EHMT1: variants seen among roughly 807,000 people sequenced by gnomAD.
The protein encoded by EHMT1 is euchromatic histone lysine methyltransferase 1.
EHMT1 carries 15 observed loss-of-function variants against 147.2 expected under a neutral mutation model. The ratio of observed to expected loss-of-function variants is 0.10; its 90% CI spans 0.07 to 0.16. The LOEUF is 0.16. EHMT1 is among the 10% of genes least tolerant of loss of function. The pLI, the probability that EHMT1 is intolerant of heterozygous loss-of-function variation, is 1.00. For missense variants in EHMT1, 1,587 were observed against 1,772.4 expected (o/e 0.90, Z 1.88); for synonymous variants, 795 against 709.6 (o/e 1.12, Z -1.91).
intron 1 of EHMT1, among the ~76,000 whole-genome samples, chr9:137,679,391 G>A (rs1941718647): frequency 6.6e-6 from 1 of 152,184 alleles, no homozygotes; most frequent in Non-Finnish European, 1.5e-5. Flanking sequence ...CTTGCACCTG[G>A]GATACATCTC....
chr9:137,631,249 G>A (rs1046961703), intron 1 of EHMT1, among the ~76,000 whole-genome samples: 6 of 151,918 alleles, frequency 3.9e-5, no homozygotes, highest in Non-Finnish European at 7.4e-5. Context: ...AAAATTAGCC[G>A]GGCGTGATGG....
In EHMT1 at chr9:137,813,491, G is replaced by A. The variant is rs146191149; in HGVS notation, c.3141G>A (p.Thr1047=). 31 of 1,613,986 alleles carry A rather than the reference G, an allele frequency of 1.9e-5. No homozygotes were observed. Among genetic ancestry groups the A allele is most frequent in the African/African-American group, 1.6e-4 (12 of 75,032 alleles). Residue 1047 remains threonine, a synonymous_variant, in exon 21 of 27, where the codon ACG becomes ACA. Transcript: ENST00000460843. The surrounding 1 kb of genome is among the most constrained non-coding windows in gnomAD (Gnocchi z 4.9). ...NYKYVSQNCV[T]SPMNIDRNIT... is the part of the protein sequence containing the mutation. ...AGTACGTCTCTCAGAACTGCGTGAC[G>A]TCCCCCATGAACATCGACAGAAATA... is the stretch of plus-strand genomic sequence containing the variant.
At chr9:137,810,709 T>C (rs1954404226) in intron 18 of EHMT1, among the ~76,000 whole-genome samples, 1 of 152,094 alleles carries the variant, frequency 6.6e-6, no homozygotes, top group African/African-American at 2.4e-5. Context: ...TTTTTGTTTT[T>C]TTTTTTGAGA....
At chr9:137,808,640 C>G (rs1382309618) in intron 18 of EHMT1, among the ~76,000 whole-genome samples, 3 of 126,814 alleles carry the variant, frequency 2.4e-5, no homozygotes. Context: ...CTTATGTGAA[C>G]TGGAAGCTCT....
At chr9:137,754,967 C>A (rs1483164789) in intron 8 of EHMT1, among the ~76,000 whole-genome samples, 1 of 152,144 alleles carries the variant, frequency 6.6e-6, no homozygotes, top group Non-Finnish European at 1.5e-5. Context: ...GTCCCCTGTT[C>A]CAGAGGAACT....
chr9:137,783,146 A>G (rs2136915418), intron 15 of EHMT1, among the ~76,000 whole-genome samples: 1 of 152,280 alleles, frequency 6.6e-6, no homozygotes, highest in East Asian at 1.9e-4. Context: ...CATTTGGTGC[A>G]TGTGCTGTGC....
At chr9:137,762,485 G>A (rs1949903319) in intron 9 of EHMT1, among the ~76,000 whole-genome samples, 190 bp from the exon 10 acceptor site, 2 of 152,186 alleles carry the variant, frequency 1.3e-5, no homozygotes, top group African/African-American at 4.8e-5. Flanking sequence ...GGGAGGCACA[G>A]GCCACCCCTT....
At chr9:137,712,073 C>T (rs1944788386) in intron 2 of EHMT1, among the ~76,000 whole-genome samples, 1 of 152,240 alleles carries the variant, frequency 6.6e-6, no homozygotes, top group Admixed American at 6.5e-5. Flanking sequence ...GTTGCCCCCA[C>T]CTCCTGCGCC....
At chr9:137,777,582 T>G (rs951224315) in intron 12 of EHMT1, among the ~76,000 whole-genome samples, 18 of 152,336 alleles carry the variant, frequency 1.2e-4, no homozygotes, top group African/African-American at 3.6e-4. Context: ...TTTAATGCAC[T>G]TTGAATCAAA....
At chr9:137,737,920 G>T (rs900153603) in intron 4 of EHMT1, among the ~76,000 whole-genome samples, 1 of 152,202 alleles carries the variant, frequency 6.6e-6, no homozygotes, top group African/African-American at 2.4e-5. Flanking sequence ...GAGGCCGGGT[G>T]CAGTGGCTTG....
chr9:137,828,883 C>A lies in EHMT1; in HGVS notation c.3541-5466C>A, dbSNP rs904945286. On this transcript the variant is annotated intron_variant, in intron 25 of 26. Transcript: ENST00000460843. This position sits in a 1 kb window ranked among gnomAD's most constrained non-coding sequence, Gnocchi z 5.3. ...GCCTCTGTGCCTCCCCTCCTGCTTG[C>A]TGCGTGGGGGCTTGTGGAGCCTGCT... 1.3e-5 allele frequency among the ~76,000 whole-genome samples: 2 copies of A among 152,112 alleles called. No homozygotes were observed. Among genetic ancestry groups the A allele is most frequent in the African/African-American group, 4.8e-5 (2 of 41,436 alleles).
rs1950882200 is a variant in EHMT1, at chr9:137,775,402, A to G, written c.1791+150A>G. On this transcript the variant is annotated intron_variant, in intron 11 of 26. Coordinates refer to ENST00000460843, the MANE Select transcript of EHMT1 (RefSeq NM_024757.5). This position sits in a 1 kb window ranked among gnomAD's most constrained non-coding sequence, Gnocchi z 6.1. ...CGTCTGGAGGTCTCCAGTGTTCACA[A>G]GCCCCTCACCACCCCTGTCGAGCCC... 2 of 1,189,856 alleles carry G rather than the reference A, an allele frequency of 1.7e-6. No homozygotes were observed. Among genetic ancestry groups the G allele is most frequent in the African/African-American group, 1.5e-5 (1 of 66,474 alleles). 73.7% of individuals were successfully genotyped at this position (1,189,856 alleles called of 1,614,324 possible). A position where few individuals can be genotyped will look rare whatever the true frequency, so the allele number is the denominator to read the frequency against.
chr9:137,803,981 T>C (rs1953719271), intron 18 of EHMT1, among the ~76,000 whole-genome samples: 1 of 152,160 alleles, frequency 6.6e-6, no homozygotes, highest in Non-Finnish European at 1.5e-5. Context: ...TTTAATTGAC[T>C]CACCCTTCAG....
chr9:137,671,980 T>TC (rs1346061618), intron 1 of EHMT1, among the ~76,000 whole-genome samples: 1 of 152,130 alleles, frequency 6.6e-6, no homozygotes, highest in Non-Finnish European at 1.5e-5. Context: ...TCAGTGAAGC[T>TC]CCCCCAGCAC....
intron 1 of EHMT1, among the ~76,000 whole-genome samples, chr9:137,634,972 G>A (rs1295599583): frequency 6.1e-5 from 9 of 147,892 alleles, no homozygotes; most frequent in Non-Finnish European, 8.9e-5. Context: ...CGCCGGCCTC[G>A]GCCTCCCAAA....
At chr9:137,725,558 G>A (rs1350126268) in intron 3 of EHMT1, among the ~76,000 whole-genome samples, 2 of 152,204 alleles carry the variant, frequency 1.3e-5, no homozygotes, top group Admixed American at 6.5e-5. Flanking sequence ...GGGAGCTGTG[G>A]CCACTAGAAT....
In EHMT1 at chr9:137,775,089, C is replaced by T. The variant is rs12341990; in HGVS notation, c.1648-20C>T. 17,119 of 1,613,992 alleles carry T rather than the reference C, an allele frequency of 0.011. 1,232 individuals carry two copies. The African/African-American group carries it at 0.17, about 16-fold the overall frequency. ...CCTCTCGTGACTCTGACATTGACCA[C>T]CAGTCTTGTCTGATTGCAGTTGGGC... is the stretch of plus-strand genomic sequence containing the variant. On this transcript the variant is annotated intron_variant, in intron 10 of 26. Coordinates refer to ENST00000460843, the MANE Select transcript of EHMT1 (RefSeq NM_024757.5). The surrounding 1 kb of genome is among the most constrained non-coding windows in gnomAD (Gnocchi z 6.1).
intron 1 of EHMT1, among the ~76,000 whole-genome samples, chr9:137,696,572 C>T (rs1209855942): frequency 6.6e-6 from 1 of 152,116 alleles, no homozygotes; most frequent in Non-Finnish European, 1.5e-5. Flanking sequence ...GTAGGATAGT[C>T]CAGTGGACCA....
At chr9:137,721,099 G>A (rs946587386) in intron 3 of EHMT1, among the ~76,000 whole-genome samples, 5 of 151,318 alleles carry the variant, frequency 3.3e-5, no homozygotes, top group South Asian at 2.1e-4. Context: ...TTCAGCGTGC[G>A]TATCCCTGTG....
Sources: allele counts gnomAD v4.1 joint callset (sites outside exome capture counted in the v4.1 genomes callset), GRCh38; gene constraint gnomAD v4.1.1; non-coding constraint Gnocchi (gnomAD v3.1); transcripts MANE v1.5; gene names NCBI Gene and HGNC (gene_info 2026-07-23, HGNC 2026-07-21).